SORL1: variants seen among roughly 807,000 people sequenced by gnomAD.
SORL1 encodes sortilin-related receptor.
A neutral mutation model predicts 273.7 loss-of-function variants in SORL1; 127 were observed. The ratio of observed to expected loss-of-function variants is 0.46; its 90% CI spans 0.40 to 0.54. The LOEUF (loss-of-function observed/expected upper bound fraction) is 0.54. SORL1 is among the 20% of genes least tolerant of loss of function. The pLI, the probability that SORL1 is intolerant of heterozygous loss-of-function variation, is 0.00. For synonymous variants in SORL1, 1,031 were observed against 1,067.4 expected, an observed-to-expected ratio of 0.97 and a Z score of 0.66; for missense variants, 2,494 against 2,846.1, an observed-to-expected ratio of 0.88 and a Z score of 2.81.
chr11:121,590,776 T>C (rs759791288), intron 30 of SORL1: 3 of 748,870 alleles, frequency 4.0e-6, no homozygotes, highest in South Asian at 1.4e-5. Context: ...AAATCAAATA[T>C]AGTAAGGGAA....
intron 14 of SORL1, among the ~76,000 whole-genome samples, chr11:121,546,172 G>T (rs1862423679): frequency 6.6e-6 from 1 of 152,200 alleles, no homozygotes. Context: ...ATGCCTTGTT[G>T]GGTGTATGAC....
chr11:121,489,069 G>A (rs946088880), intron 4 of SORL1, among the ~76,000 whole-genome samples: 1 of 152,102 alleles, frequency 6.6e-6, no homozygotes, highest in Non-Finnish European at 1.5e-5. Context: ...TGGAAGTTGA[G>A]GGGCTTTGGC....
At chr11:121,540,522 C>CAAAAAAAGAAAAAAAAAAA (rs1862331314) in intron 12 of SORL1, among the ~76,000 whole-genome samples, 1 of 103,860 alleles carries the variant, frequency 9.6e-6, no homozygotes, top group African/African-American at 3.6e-5. Flanking sequence ...ACTAAAAATA[C>CAAAAAAAGAAAAAAAAAAA]AAAAAAAAAA....
At chr11:121,544,109 A>C (rs1434472532) in intron 13 of SORL1, among the ~76,000 whole-genome samples, 2 of 152,128 alleles carry the variant, frequency 1.3e-5, no homozygotes, top group East Asian at 3.8e-4. Flanking sequence ...GGGTCCTCTC[A>C]AAGCCATCTA....
At chr11:121,480,860 C>T (rs1861366799) in intron 3 of SORL1, among the ~76,000 whole-genome samples, 1 of 147,790 alleles carries the variant, frequency 6.8e-6, no homozygotes, top group South Asian at 2.2e-4. Flanking sequence ...TATAGGCAGG[C>T]TCCATCTCTT....
chr11:121,520,543 T>A, intron 8 of SORL1, 114 bp from the exon 9 acceptor site: 1 of 643,186 alleles, frequency 1.6e-6, no homozygotes, highest in Non-Finnish European at 2.6e-6. Context: ...CACAACATTG[T>A]GAATGTGCTT....
intron 2 of SORL1, among the ~76,000 whole-genome samples, chr11:121,473,156 T>C (rs1054214928): frequency 6.6e-6 from 1 of 152,108 alleles, no homozygotes; most frequent in African/African-American, 2.4e-5. Flanking sequence ...GTTGGGGTAA[T>C]AACAATCCAA....
At position 121,627,688 on chromosome 11, in the gene SORL1, G is replaced by C; in HGVS notation, c.6498G>C (p.Gln2166His). ...TGTACACGAAGCACCGGAGGCTGCA[G>C]AGCAGCTTCACCGCCTTCGCCAACA... ...AILYTKHRRL[Q>H]SSFTAFANSH... Residue 2166 changes from glutamine (Q) to histidine (H), a missense_variant, in exon 47 of 48, where the codon CAG (glutamine) becomes CAC (histidine). Gln to His is a conservative substitution (Grantham distance 24). Coordinates refer to ENST00000260197, the MANE Select transcript of SORL1 (RefSeq NM_003105.6). This position sits in a 1 kb window ranked among gnomAD's most constrained non-coding sequence, Gnocchi z 4.9. 1 of 1,614,192 alleles carries C rather than the reference G, an allele frequency of 6.2e-7. No homozygotes were observed. The highest frequency in any genetic ancestry group is 8.5e-7 in the Non-Finnish European group (1 of 1,180,028).
chr11:121,461,737 T>C (rs1258029612), intron 1 of SORL1, among the ~76,000 whole-genome samples: 2 of 152,204 alleles, frequency 1.3e-5, no homozygotes, highest in African/African-American at 2.4e-5. Context: ...TGAGTTTCAG[T>C]TAGGCAGGAG....
chr11:121,579,515 A>G (rs758251314), intron 25 of SORL1, among the ~76,000 whole-genome samples: 32 of 152,030 alleles, frequency 2.1e-4, no homozygotes, highest in Non-Finnish European at 3.5e-4. Context: ...ACCCACCGCT[A>G]TTGTTTTTAA....
At chr11:121,534,881 G>A (rs946861465) in intron 12 of SORL1, among the ~76,000 whole-genome samples, 3 of 152,110 alleles carry the variant, frequency 2.0e-5, no homozygotes, top group African/African-American at 7.2e-5. Context: ...TTTATGACTC[G>A]TAGCATGTAT....
At chr11:121,527,092 C>G (rs548121960) in intron 11 of SORL1, among the ~76,000 whole-genome samples, 1 of 152,136 alleles carries the variant, frequency 6.6e-6, no homozygotes, top group African/African-American at 2.4e-5. Flanking sequence ...GCCTTGTTCT[C>G]TCTCTGGGGG....
chr11:121,583,659 C>G, intron 26 of SORL1, 76 bp downstream of exon 26: 1 of 1,484,754 alleles, frequency 6.7e-7, no homozygotes, highest in Non-Finnish European at 9.0e-7. Flanking sequence ...CACAGAGAGC[C>G]AGGGGATGAA....
chr11:121,501,461 A>G (rs1000035367), intron 6 of SORL1, among the ~76,000 whole-genome samples: 1 of 152,188 alleles, frequency 6.6e-6, no homozygotes, highest in African/African-American at 2.4e-5. Context: ...TGGAAATCAT[A>G]CAATTTGTGA....
At chr11:121,456,455 T>C (rs1176765133) in intron 1 of SORL1, among the ~76,000 whole-genome samples, 1 of 152,190 alleles carries the variant, frequency 6.6e-6, no homozygotes, top group Admixed American at 6.5e-5. Flanking sequence ...ATTCACATTA[T>C]ATAAAATGTA....
In SORL1 at chr11:121,519,851, T is replaced by C. The variant is rs535518217; in HGVS notation, c.1212-806T>C. Among the ~76,000 whole-genome samples, 3 of 152,332 alleles carry C rather than the reference T, an allele frequency of 2.0e-5. No individual in the cohort carries two copies. In the South Asian group the frequency reaches 6.2e-4, roughly 32 times the overall value. ...TGATGTAATAGATGTGACTCTTTCG[T>C]CAACTTTTGTATGTTATATTCATCA... is the stretch of plus-strand genomic sequence containing the variant. On this transcript the variant is annotated intron_variant, in intron 8 of 47. Transcript: ENST00000260197.
In SORL1 at chr11:121,595,789, C is replaced by T; in HGVS notation, c.4519+17C>T. On this transcript the variant is annotated intron_variant, in intron 32 of 47. Coordinates refer to ENST00000260197, the MANE Select transcript of SORL1 (RefSeq NM_003105.6). The surrounding 1 kb of genome is among the most constrained non-coding windows in gnomAD (Gnocchi z 5.1). Reference sequence around the variant, plus strand: ...CCAATTGCCGTGAGTAGTCAGAGAGCCCTTCACCCCCTGGGCACGTTTCTG... The same window carrying T: ...CCAATTGCCGTGAGTAGTCAGAGAGTCCTTCACCCCCTGGGCACGTTTCTG... 2 of 1,608,390 alleles carry T rather than the reference C, an allele frequency of 1.2e-6. No homozygotes were observed. The highest frequency in any genetic ancestry group is 8.5e-7 in the Non-Finnish European group (1 of 1,179,398).
At chr11:121,461,662 G>A in intron 1 of SORL1, among the ~76,000 whole-genome samples, 1 of 152,334 alleles carries the variant, frequency 6.6e-6, no homozygotes, top group South Asian at 2.1e-4. Flanking sequence ...TGGAGCCTTG[G>A]GACCTGGAGG....
At chr11:121,570,346 T>A in intron 23 of SORL1, 76 bp downstream of exon 23, 1 of 1,122,954 alleles carries the variant, frequency 8.9e-7, no homozygotes, top group Non-Finnish European at 1.3e-6. Flanking sequence ...GCTGAGGGCC[T>A]AAGGTCTAGG....
Sources: allele counts gnomAD v4.1 joint callset (sites outside exome capture counted in the v4.1 genomes callset), GRCh38; gene constraint gnomAD v4.1.1; non-coding constraint Gnocchi (gnomAD v3.1); transcripts MANE v1.5; gene names NCBI Gene and HGNC (gene_info 2026-07-23, HGNC 2026-07-21).